Variants in CACNA2D3 observed in about 807,000 individuals in gnomAD.
CACNA2D3 encodes calcium voltage-gated channel auxiliary subunit alpha2delta 3, also known as voltage-dependent calcium channel subunit alpha-2/delta-3.
Under a neutral mutation model 160.6 loss-of-function variants are expected in CACNA2D3, and 60 were observed. That is an observed-to-expected ratio of 0.37 (90% CI 0.30 to 0.46). The LOEUF (loss-of-function observed/expected upper bound fraction) is 0.46. CACNA2D3 is among the 20% of genes least tolerant of loss of function. CACNA2D3 has a pLI of 1.00. For missense variants in CACNA2D3, 1,205 were observed against 1,365.0 expected (o/e 0.88, Z 1.85); for synonymous variants, 558 against 492.9 (o/e 1.13, Z -1.75).
chr3:54,826,188 C>T (rs749352594), intron 14 of CACNA2D3, among the ~76,000 whole-genome samples: 35 of 152,144 alleles, frequency 2.3e-4, no homozygotes, highest in Non-Finnish European at 4.9e-4. Flanking sequence ...TCATGTTACT[C>T]ACTGGTCACA....
At chr3:55,010,183 C>T (rs75076953) in intron 34 of CACNA2D3, among the ~76,000 whole-genome samples, 27,537 of 151,888 alleles carry the variant, frequency 0.18, 2,716 homozygotes, top group Admixed American at 0.24. Flanking sequence ...AAGGTAAACA[C>T]TGAGTACACA....
At chr3:55,037,315 A>G (rs1300203370) in intron 35 of CACNA2D3, among the ~76,000 whole-genome samples, 1 of 152,220 alleles carries the variant, frequency 6.6e-6, no homozygotes, top group Non-Finnish European at 1.5e-5. Context: ...CAACTGGCTC[A>G]GAGAAAGATG....
At chr3:54,255,201 G>C (rs1702270246) in intron 2 of CACNA2D3, among the ~76,000 whole-genome samples, 1 of 152,182 alleles carries the variant, frequency 6.6e-6, no homozygotes, top group African/African-American at 2.4e-5. Context: ...GGAGAGTTAA[G>C]AGTCATTCTG....
chr3:55,074,009 C>A, intron 37 of CACNA2D3, 105 bp from the exon 38 acceptor site: 1 of 1,136,170 alleles, frequency 8.8e-7, no homozygotes, highest in Non-Finnish European at 1.3e-6. Context: ...ATCTAGGTCC[C>A]AGAAGACTTC....
At chr3:54,736,598 A>C (rs895952688) in intron 11 of CACNA2D3, among the ~76,000 whole-genome samples, 6 of 152,228 alleles carry the variant, frequency 3.9e-5, no homozygotes, top group Admixed American at 3.9e-4. Context: ...TTTGATAGGC[A>C]AAAAACAAAC....
chr3:54,891,231 C>A (rs1368284677), intron 24 of CACNA2D3, 124 bp from the exon 25 acceptor site: 9 of 517,234 alleles, frequency 1.7e-5, no homozygotes, highest in African/African-American at 9.4e-5. Flanking sequence ...GTTTCTGTAT[C>A]TTCTTTTAAA....
chr3:54,806,563 C>G (rs888999463), intron 13 of CACNA2D3, among the ~76,000 whole-genome samples: 1 of 151,830 alleles, frequency 6.6e-6, no homozygotes, highest in African/African-American at 2.4e-5. Context: ...AGGATACAAA[C>G]AAATGGAAGA....
chr3:54,831,047 TTAA>T (rs1208981598), intron 14 of CACNA2D3, among the ~76,000 whole-genome samples: 3 of 152,232 alleles, frequency 2.0e-5, no homozygotes, highest in East Asian at 1.9e-4. Context: ...TTGATCAATG[TTAA>T]TAATAAAGCA....
intron 11 of CACNA2D3, among the ~76,000 whole-genome samples, chr3:54,646,148 T>TTCCCTCTCTCCC (rs1699636625): frequency 3.8e-5 from 1 of 26,230 alleles, no homozygotes; most frequent in African/African-American, 1.1e-4. Flanking sequence ...CCTTCCTTCC[T>TTCCCTCTCTCCC]TCCCTCCCTC....
chr3:54,369,773 T>A (rs1424331815), intron 3 of CACNA2D3, among the ~76,000 whole-genome samples: 1 of 152,214 alleles, frequency 6.6e-6, no homozygotes, highest in Non-Finnish European at 1.5e-5. Flanking sequence ...TAGTGGCAAG[T>A]CATCACTTTC....
chr3:55,044,841 G>A (rs1345106922), intron 35 of CACNA2D3, among the ~76,000 whole-genome samples: 1 of 152,102 alleles, frequency 6.6e-6, no homozygotes, highest in Non-Finnish European at 1.5e-5. Context: ...GGTTGCTAAA[G>A]TTTGTCAAAT....
At chr3:54,876,977 T>A (rs961826685) in intron 18 of CACNA2D3, 1 of 152,196 alleles carries the variant, frequency 6.6e-6, no homozygotes, top group Admixed American at 6.5e-5. Flanking sequence ...AGCTGGCTTG[T>A]GTCAGTGGCA....
At chr3:54,196,390 G>A (rs934544673) in intron 2 of CACNA2D3, among the ~76,000 whole-genome samples, 4 of 152,200 alleles carry the variant, frequency 2.6e-5, no homozygotes, top group African/African-American at 4.8e-5. Context: ...AGGGCAGTGA[G>A]TTCTGGGAAA....
intron 27 of CACNA2D3, among the ~76,000 whole-genome samples, chr3:54,932,510 C>G (rs1701214418): frequency 6.6e-6 from 1 of 152,166 alleles, no homozygotes; most frequent in East Asian, 1.9e-4. Flanking sequence ...AATTAAGAAG[C>G]AAGTAAAGGC....
intron 11 of CACNA2D3, among the ~76,000 whole-genome samples, chr3:54,670,219 C>T (rs1700134396): frequency 1.3e-5 from 2 of 152,156 alleles, no homozygotes; most frequent in Non-Finnish European, 2.9e-5. Context: ...CCTGCCCACC[C>T]AAAAGGTGAC....
At chr3:54,210,874 C>T (rs1211418633) in intron 2 of CACNA2D3, among the ~76,000 whole-genome samples, 1 of 152,146 alleles carries the variant, frequency 6.6e-6, no homozygotes, top group African/African-American at 2.4e-5. Context: ...CACTGCCAGG[C>T]TGCATCCTGA....
At chr3:54,585,975 T>C (rs945067353) in intron 9 of CACNA2D3, among the ~76,000 whole-genome samples, 3 of 151,992 alleles carry the variant, frequency 2.0e-5, no homozygotes, top group Non-Finnish European at 4.4e-5. Context: ...TATAAGAAAC[T>C]CATTTGAGGC....
intron 11 of CACNA2D3, among the ~76,000 whole-genome samples, chr3:54,744,036 G>T (rs74624938): frequency 0.059 from 8,914 of 152,198 alleles, 335 homozygotes; most frequent in Non-Finnish European, 0.086. Flanking sequence ...TTAATGATGT[G>T]ATGTGCATCA....
At chr3:54,917,413 A>G (rs539549520) in intron 27 of CACNA2D3, among the ~76,000 whole-genome samples, 5 of 152,308 alleles carry the variant, frequency 3.3e-5, no homozygotes, top group African/African-American at 1.2e-4. Context: ...CACTCTCTGC[A>G]GTCTTCCTTC....
Sources: allele counts gnomAD v4.1 joint callset (sites outside exome capture counted in the v4.1 genomes callset), GRCh38; gene constraint gnomAD v4.1.1; transcripts MANE v1.5; gene names NCBI Gene and HGNC (gene_info 2026-07-23, HGNC 2026-07-21).